The following AUTS2 variants were observed in gnomAD, a reference collection of about 807,000 sequenced individuals.
AUTS2 encodes activator of transcription and developmental regulator AUTS2, also known as autism susceptibility gene 2 protein.
Under a neutral mutation model 112.4 loss-of-function variants are expected in AUTS2, and 17 were observed. The observed-to-expected ratio is 0.15, with a 90% CI of 0.10 to 0.23. The LOEUF is 0.23. Ranked by LOEUF, AUTS2 falls within the 10% of genes least tolerant of loss-of-function variation. The pLI is 1.00. For synonymous variants in AUTS2, 751 were observed against 702.7 expected (o/e 1.07, Z -1.09); for missense variants, 1,510 against 1,701.6 (o/e 0.89, Z 1.98).
At chr7:69,851,861 A>T (rs927286874) in intron 1 of AUTS2, among the ~76,000 whole-genome samples, 1 of 152,186 alleles carries the variant, frequency 6.6e-6, no homozygotes, top group African/African-American at 2.4e-5. Context: ...GTTGACTTCT[A>T]GGAGTTTTTA....
chr7:69,896,897 T>A (rs1310019479), intron 1 of AUTS2, among the ~76,000 whole-genome samples: 3 of 152,190 alleles, frequency 2.0e-5, no homozygotes, highest in African/African-American at 4.8e-5. Context: ...GCTCTAACCC[T>A]CTCCTCTGGA....
chr7:69,944,517 T>G (rs1335872104), intron 2 of AUTS2, among the ~76,000 whole-genome samples: 1 of 152,186 alleles, frequency 6.6e-6, no homozygotes, highest in East Asian at 1.9e-4. Context: ...GGAAACCATT[T>G]GTGTAGGGTA....
intron 2 of AUTS2, among the ~76,000 whole-genome samples, chr7:69,984,348 A>G (rs1305052005): frequency 6.8e-6 from 1 of 148,004 alleles, no homozygotes; most frequent in Non-Finnish European, 1.5e-5. Context: ...TGGAGCTTGC[A>G]GTGAGCCAAG....
chr7:70,507,996 G>A (rs1325360734), intron 5 of AUTS2, among the ~76,000 whole-genome samples: 1 of 152,106 alleles, frequency 6.6e-6, no homozygotes, highest in Non-Finnish European at 1.5e-5. Flanking sequence ...TAGCCCAATG[G>A]TGTTAACAAG....
At chr7:69,637,567 G>A (rs1004073792) in intron 1 of AUTS2, among the ~76,000 whole-genome samples, 1 of 152,208 alleles carries the variant, frequency 6.6e-6, no homozygotes, top group African/African-American at 2.4e-5. Flanking sequence ...TTGAAAAATT[G>A]TAGAATAAAA....
intron 4 of AUTS2, among the ~76,000 whole-genome samples, chr7:70,169,886 G>T (rs1321024024): frequency 6.6e-6 from 1 of 152,080 alleles, no homozygotes; most frequent in African/African-American, 2.4e-5. Flanking sequence ...TCTAGATAGT[G>T]ATGCCACATA....
chr7:70,446,779 C>T (rs560625511), intron 5 of AUTS2, among the ~76,000 whole-genome samples: 4 of 152,268 alleles, frequency 2.6e-5, no homozygotes, highest in African/African-American at 9.6e-5. Context: ...AGTCCAAGGG[C>T]CCTGACTTCC....
chr7:70,115,313 C>G (rs1272578668), intron 2 of AUTS2, among the ~76,000 whole-genome samples: 1 of 152,132 alleles, frequency 6.6e-6, no homozygotes, highest in East Asian at 1.9e-4. Flanking sequence ...ATATGTATCT[C>G]TCATCTAAGT....
chr7:70,639,738 T>C (rs1047278772), intron 5 of AUTS2, among the ~76,000 whole-genome samples: 4 of 151,202 alleles, frequency 2.6e-5, no homozygotes, highest in Admixed American at 6.6e-5. Flanking sequence ...AGTTTCCCTA[T>C]TGGAAACCAG....
intron 4 of AUTS2, among the ~76,000 whole-genome samples, chr7:70,405,889 G>A (rs930124526): frequency 3.3e-5 from 5 of 152,204 alleles, no homozygotes; most frequent in African/African-American, 1.2e-4. Flanking sequence ...TGAGGTTGCT[G>A]AGACCCTGTG....
At chr7:70,170,897 C>A (rs887067844) in intron 4 of AUTS2, among the ~76,000 whole-genome samples, 8 of 152,124 alleles carry the variant, frequency 5.3e-5, no homozygotes, top group African/African-American at 1.7e-4. Context: ...TGAGCCACCG[C>A]CCCCGGCCGG....
At chr7:70,058,841 A>G (rs1020320863) in intron 2 of AUTS2, among the ~76,000 whole-genome samples, 9 of 152,246 alleles carry the variant, frequency 5.9e-5, no homozygotes, top group African/African-American at 1.9e-4. Context: ...AAATATTTAC[A>G]CACACACATA....
intron 1 of AUTS2, among the ~76,000 whole-genome samples, chr7:69,819,435 G>A (rs1206979453): frequency 6.6e-6 from 1 of 152,108 alleles, no homozygotes; most frequent in African/African-American, 2.4e-5. Context: ...ACATTTCTTG[G>A]GGAAGTTTTA....
chr7:70,717,428 C>T (rs1355418341), intron 6 of AUTS2, among the ~76,000 whole-genome samples: 2 of 152,100 alleles, frequency 1.3e-5, no homozygotes, highest in African/African-American at 4.8e-5. Flanking sequence ...GGCGATTAAT[C>T]CTCTCACCCC....
chr7:70,452,058 TGTGACTG>T (rs1226976989), intron 5 of AUTS2, among the ~76,000 whole-genome samples: 3 of 152,224 alleles, frequency 2.0e-5, no homozygotes, highest in Non-Finnish European at 4.4e-5. Flanking sequence ...CATAGTGCTG[TGTGACTG>T]CGGCCTTGGG....
At chr7:70,284,931 CAGAG>C (rs909071622) in intron 4 of AUTS2, among the ~76,000 whole-genome samples, 5 of 152,190 alleles carry the variant, frequency 3.3e-5, no homozygotes, top group African/African-American at 1.2e-4. Context: ...AGGGATTTGA[CAGAG>C]AGGTCAAAAA....
Position 69,946,903 on chromosome 7 carries a change from C to G in AUTS2, c.522+47405C>G, listed in dbSNP as rs368144980. On this transcript the variant is annotated intron_variant, in intron 2 of 18. Transcript: ENST00000342771. Reference sequence around the variant, plus strand: ...GTGAATTATCAGCCGCCCCTCTTGCCTTGTGAGGCAAGGAAAGCAGTCTTA... The same window carrying G: ...GTGAATTATCAGCCGCCCCTCTTGCGTTGTGAGGCAAGGAAAGCAGTCTTA... 9.7e-4 allele frequency among the ~76,000 whole-genome samples: 147 copies of G among 152,292 alleles called. 2 individuals are homozygous for G. The highest frequency in any genetic ancestry group is 6.4e-3 in the South Asian group (31 of 4,830).
chr7:70,670,895 G>A (rs1489725290), intron 5 of AUTS2, among the ~76,000 whole-genome samples: 3 of 152,216 alleles, frequency 2.0e-5, no homozygotes, highest in Non-Finnish European at 4.4e-5. Context: ...AAACAGGCGG[G>A]GTGCGGTGGC....
At chr7:70,041,427 C>G (rs1396414059) in intron 2 of AUTS2, among the ~76,000 whole-genome samples, 1 of 152,142 alleles carries the variant, frequency 6.6e-6, no homozygotes, top group East Asian at 1.9e-4. Context: ...ACAAATTTCT[C>G]TCCCTCTCTG....
Sources: allele counts gnomAD v4.1 joint callset (sites outside exome capture counted in the v4.1 genomes callset), GRCh38; gene constraint gnomAD v4.1.1; transcripts MANE v1.5; gene names NCBI Gene and HGNC (gene_info 2026-07-23, HGNC 2026-07-21).